The following SLC9B2 variants were observed in gnomAD, a reference collection of about 807,000 sequenced individuals.
SLC9B2 encodes the protein sodium/hydrogen exchanger 9B2.
A neutral mutation model predicts 52.2 loss-of-function variants in SLC9B2; 39 were observed. That is an observed-to-expected ratio of 0.75 (90% CI 0.58 to 0.98). The LOEUF (loss-of-function observed/expected upper bound fraction) is 0.98, where lower values mean the gene tolerates loss of function less well. Ranked by LOEUF, SLC9B2 falls within the 50% of genes least tolerant of loss-of-function variation. The pLI is 0.00. For synonymous variants in SLC9B2, 214 were observed against 227.0 expected (o/e 0.94, Z 0.51); for missense variants, 626 against 637.5 (o/e 0.98, Z 0.19).
chr4:103,029,902 G>A (rs993219067), intron 10 of SLC9B2, among the ~76,000 whole-genome samples: 6 of 152,132 alleles, frequency 3.9e-5, no homozygotes, highest in Admixed American at 6.6e-5. Flanking sequence ...AATTCAAAGG[G>A]CGGGTAAAAC....
At chr4:103,051,122 AG>A (rs1030357320) in intron 4 of SLC9B2, among the ~76,000 whole-genome samples, 8 of 152,208 alleles carry the variant, frequency 5.3e-5, no homozygotes, top group African/African-American at 1.9e-4. Flanking sequence ...AGAAACGGCT[AG>A]GGGAGTTGAG....
At chr4:103,041,094 T>C (rs1743600088) in intron 9 of SLC9B2, among the ~76,000 whole-genome samples, 1 of 152,182 alleles carries the variant, frequency 6.6e-6, no homozygotes, top group South Asian at 2.1e-4. Context: ...AACCTCAAAA[T>C]GTTCATATTA....
intron 3 of SLC9B2, among the ~76,000 whole-genome samples, chr4:103,061,146 C>T (rs2110647015): frequency 6.6e-6 from 1 of 152,284 alleles, no homozygotes; most frequent in South Asian, 2.1e-4. Flanking sequence ...TTGACCCAGC[C>T]ATCCCATTAC....
At chr4:103,051,186 A>G (rs983397100) in intron 4 of SLC9B2, among the ~76,000 whole-genome samples, 8 of 152,230 alleles carry the variant, frequency 5.3e-5, no homozygotes, top group African/African-American at 1.9e-4. Context: ...AAAGTGACTC[A>G]TTCTGAAAAC....
chr4:103,064,149 T>A (rs772045357), intron 3 of SLC9B2, among the ~76,000 whole-genome samples: 3 of 152,262 alleles, frequency 2.0e-5, no homozygotes. Context: ...ACTGGGTATG[T>A]ATCCAAAGGA....
intron 9 of SLC9B2, among the ~76,000 whole-genome samples, chr4:103,036,022 A>C (rs1743142218): frequency 1.3e-5 from 2 of 152,136 alleles, no homozygotes; most frequent in African/African-American, 4.8e-5. Context: ...TAAAACAGCA[A>C]TGGTACTGGT....
intron 4 of SLC9B2, among the ~76,000 whole-genome samples, chr4:103,053,557 T>C (rs1578465377): frequency 2.0e-5 from 3 of 152,212 alleles, no homozygotes; most frequent in Admixed American, 6.5e-5. Context: ...TGGGGTGTAA[T>C]GGGCATTTTC....
At chr4:103,019,772 G>C (rs151316629), downstream of SLC9B2, 2,956 of 985,706 alleles carry the variant, frequency 3.0e-3, 24 homozygotes, top group African/African-American at 0.03. Flanking sequence ...GTGACGTCTT[G>C]GCTGTCCGCG....
At chr4:103,046,288 T>C (rs1272835180) in intron 7 of SLC9B2, among the ~76,000 whole-genome samples, 3 of 152,238 alleles carry the variant, frequency 2.0e-5, no homozygotes, top group Non-Finnish European at 4.4e-5. Context: ...ATCCCAATTT[T>C]GAACATAAGA....
chr4:103,031,045 A>G (rs1742654506), intron 10 of SLC9B2, among the ~76,000 whole-genome samples: 1 of 152,110 alleles, frequency 6.6e-6, no homozygotes, highest in Non-Finnish European at 1.5e-5. Flanking sequence ...TGGAGACTAA[A>G]TTCTGAAGAG....
rs1746257326 is a variant in SLC9B2, at chr4:103,067,599, T to C, written c.-42-7A>G. On this transcript the variant is annotated splice_polypyrimidine_tract_variant and splice_region_variant and intron_variant, in intron 1 of 11. Coordinates refer to ENST00000394785, the MANE Select transcript of SLC9B2 (RefSeq NM_178833.7). Reference sequence around the variant, plus strand: ...CAGGGAAGAGGAACGAGATCTGTTTTGAAAGAGTATAGATATAGAGCAGTA... The same window carrying C: ...CAGGGAAGAGGAACGAGATCTGTTTCGAAAGAGTATAGATATAGAGCAGTA... The C allele has an allele frequency of 8.7e-6, 12 of 1,381,896 alleles. No homozygotes were observed. Among genetic ancestry groups the C allele is most frequent in the Non-Finnish European group, 1.2e-5 (12 of 972,932 alleles). The allele number at this position is 1,381,896 out of a possible 1,614,324, so 85.6% of individuals were successfully genotyped here.
chr4:103,018,103 T>G (rs1428853903), downstream of SLC9B2, among the ~76,000 whole-genome samples: 6 of 152,212 alleles, frequency 3.9e-5, no homozygotes. Context: ...CAGTGTTTAG[T>G]AAACACCACA....
chr4:103,047,000 C>G, intron 7 of SLC9B2, 51 bp downstream of exon 7: 1 of 1,568,976 alleles, frequency 6.4e-7, no homozygotes, highest in South Asian at 1.2e-5. Flanking sequence ...ACATTTTAAC[C>G]TACGTCCCTA....
chr4:103,059,261 C>T (rs1578472932), intron 3 of SLC9B2, among the ~76,000 whole-genome samples: 1 of 152,176 alleles, frequency 6.6e-6, no homozygotes, highest in African/African-American at 2.4e-5. Flanking sequence ...GTGTCCCATA[C>T]AGGCAGTCTG....
chr4:103,042,150 A>T (rs1743698929), intron 9 of SLC9B2: 1 of 152,112 alleles, frequency 6.6e-6, no homozygotes, highest in South Asian at 2.1e-4. Flanking sequence ...TCTATGGAAG[A>T]TCCCCACAGA....
At chr4:103,050,779 T>C (rs1379752305) in intron 4 of SLC9B2, among the ~76,000 whole-genome samples, 1 of 152,260 alleles carries the variant, frequency 6.6e-6, no homozygotes, top group Non-Finnish European at 1.5e-5. Context: ...AATACTTATA[T>C]GGATTCTATT....
At chr4:103,029,521 T>C (rs938653425) in intron 10 of SLC9B2, among the ~76,000 whole-genome samples, 2 of 152,186 alleles carry the variant, frequency 1.3e-5, no homozygotes, top group East Asian at 3.9e-4. Context: ...ACTGGCAGTC[T>C]ACCACTGTTT....
chr4:103,061,242 A>G (rs1013443881), intron 3 of SLC9B2, among the ~76,000 whole-genome samples: 1 of 152,262 alleles, frequency 6.6e-6, no homozygotes, highest in African/African-American at 2.4e-5. Context: ...CACAATAGCA[A>G]AGACTTGGAA....
At chr4:103,035,341 A>G (rs1040793371) in intron 9 of SLC9B2, among the ~76,000 whole-genome samples, 1 of 152,080 alleles carries the variant, frequency 6.6e-6, no homozygotes, top group Non-Finnish European at 1.5e-5. Context: ...ATAGTATTCG[A>G]TGGGGTATAT....
Sources: gnomAD v4.1 joint callset for allele counts (sites outside exome capture counted in the v4.1 genomes callset) on GRCh38, gnomAD v4.1.1 for gene constraint, MANE v1.5 for transcripts, NCBI Gene and HGNC (gene_info 2026-07-23, HGNC 2026-07-21) for gene names.